Variants in PID1 observed in about 807,000 individuals in gnomAD.
PID1 encodes PTB-containing, cubilin and LRP1-interacting protein.
Under a neutral mutation model 19.1 loss-of-function variants are expected in PID1, and 10 were observed. The observed-to-expected ratio is 0.52, with a 90% confidence interval of 0.32 to 0.89. The LOEUF is 0.89. Ranked by LOEUF, PID1 falls within the 40% of genes least tolerant of loss-of-function variation. The probability of loss-of-function intolerance (pLI) is 0.03; values close to 1 mark genes in which losing one functional copy is unlikely to be tolerated. For missense variants in PID1, 248 were observed against 285.3 expected (o/e 0.87, Z 0.94); for synonymous variants, 130 against 116.0 (o/e 1.12, Z -0.78).
chr2:229,122,426 C>T (rs1489660669), intron 2 of PID1, among the ~76,000 whole-genome samples: 3 of 152,064 alleles, frequency 2.0e-5, no homozygotes, highest in East Asian at 1.9e-4. Context: ...AATGATTTGC[C>T]CCTGGAATCC....
chr2:229,205,824 G>A (rs189518892), intron 1 of PID1, among the ~76,000 whole-genome samples: 8 of 152,154 alleles, frequency 5.3e-5, no homozygotes, highest in East Asian at 1.9e-4. Flanking sequence ...TTCACCATGC[G>A]ACAGGCCCAC....
At chr2:229,249,498 C>T (rs542450622) in intron 1 of PID1, among the ~76,000 whole-genome samples, 1 of 152,272 alleles carries the variant, frequency 6.6e-6, no homozygotes, top group South Asian at 2.1e-4. Flanking sequence ...TATGGTGTTG[C>T]CGGCCTTGTA....
chr2:229,167,651 T>C (rs761831375), intron 1 of PID1, among the ~76,000 whole-genome samples: 2 of 152,124 alleles, frequency 1.3e-5, no homozygotes, highest in Non-Finnish European at 2.9e-5. Flanking sequence ...ATATACCTCA[T>C]AAAAAAGCAT....
intron 1 of PID1, among the ~76,000 whole-genome samples, chr2:229,159,262 G>C (rs1690446168): frequency 6.6e-6 from 1 of 152,158 alleles, no homozygotes; most frequent in African/African-American, 2.4e-5. Flanking sequence ...AGTCCACTAG[G>C]ACTCCATCTG....
chr2:229,043,582 G>T (rs1313095835), intron 2 of PID1, among the ~76,000 whole-genome samples: 1 of 152,128 alleles, frequency 6.6e-6, no homozygotes, highest in Non-Finnish European at 1.5e-5. Context: ...TACTTGCACT[G>T]GTGCAAAAGT....
chr2:229,125,263 G>C (rs929419355), intron 2 of PID1, among the ~76,000 whole-genome samples: 3 of 152,142 alleles, frequency 2.0e-5, no homozygotes, highest in Non-Finnish European at 4.4e-5. Context: ...TTGGGTCTCA[G>C]AGTAGAAATG....
intron 2 of PID1, among the ~76,000 whole-genome samples, chr2:229,043,955 G>C (rs1166126862): frequency 6.6e-6 from 1 of 152,182 alleles, no homozygotes; most frequent in Non-Finnish European, 1.5e-5. Context: ...TCCTTTAAAA[G>C]ATGATTATCT....
intron 2 of PID1, among the ~76,000 whole-genome samples, chr2:229,089,960 T>A (rs923286491): frequency 5.9e-5 from 9 of 152,190 alleles, no homozygotes; most frequent in Non-Finnish European, 1.3e-4. Flanking sequence ...TGTGGTTTTC[T>A]AAGTAAGTAA....
chr2:229,268,618 A>C (rs751860877), intron 1 of PID1, among the ~76,000 whole-genome samples: 5 of 152,192 alleles, frequency 3.3e-5, no homozygotes, highest in Non-Finnish European at 7.3e-5. Context: ...AATGAGAAAA[A>C]AATTAATGAG....
intron 1 of PID1, among the ~76,000 whole-genome samples, chr2:229,210,539 AAAAAAAAAAAAAAAAC>A (rs1342598101): frequency 6.8e-6 from 1 of 147,302 alleles, no homozygotes; most frequent in Non-Finnish European, 1.5e-5. Flanking sequence ...AAAAAAAAAA[AAAAAAAAAAAAAAAAC>A]AACCTAGAAG....
chr2:229,069,174 TGTGTGA>T lies in PID1; in HGVS notation c.178-43072_178-43067del, dbSNP rs144101895. 3.3e-4 allele frequency among the ~76,000 whole-genome samples: 50 copies of T among 151,306 alleles called. 1 individual carries two copies. Among genetic ancestry groups the T allele is most frequent in the South Asian group, 6.3e-4 (3 of 4,752 alleles). On this transcript the variant is annotated intron_variant, in intron 2 of 2. Transcript: ENST00000392055. ...GTGTGTGTGTGTGTGTGTGTGTGTG[TGTGTGA>T]GATGAGGGAGCAAGTAGGGTCAGGT...
chr2:229,235,120 C>T (rs1054820572), intron 1 of PID1, among the ~76,000 whole-genome samples: 2 of 152,192 alleles, frequency 1.3e-5, no homozygotes, highest in Non-Finnish European at 2.9e-5. Flanking sequence ...TGCTCCTCTT[C>T]ACCACTCAGT....
intron 1 of PID1, among the ~76,000 whole-genome samples, chr2:229,222,959 C>T (rs1386239721): frequency 6.6e-6 from 1 of 151,730 alleles, no homozygotes; most frequent in Non-Finnish European, 1.5e-5. Flanking sequence ...CATAATTTAC[C>T]AAATCACTTC....
At chr2:229,253,565 G>T (rs1198853426) in intron 1 of PID1, among the ~76,000 whole-genome samples, 1 of 147,558 alleles carries the variant, frequency 6.8e-6, no homozygotes, top group Non-Finnish European at 1.5e-5. Context: ...ATAAAGTAAG[G>T]GTATGTGCTT....
chr2:229,078,949 T>C (rs1209818886), intron 2 of PID1, among the ~76,000 whole-genome samples: 1 of 152,216 alleles, frequency 6.6e-6, no homozygotes, highest in East Asian at 1.9e-4. Context: ...CTGAAGTAAG[T>C]GTAGGTTAGA....
chr2:229,189,147 A>C (rs370798377), intron 1 of PID1, among the ~76,000 whole-genome samples: 9 of 152,322 alleles, frequency 5.9e-5, no homozygotes, highest in Non-Finnish European at 8.8e-5. Context: ...GGTTGTATAG[A>C]TTGTTCTTGC....
At chr2:229,102,925 T>C (rs567345977) in intron 2 of PID1, among the ~76,000 whole-genome samples, 3 of 152,216 alleles carry the variant, frequency 2.0e-5, no homozygotes, top group Admixed American at 6.5e-5. Flanking sequence ...TCCCTCCCAA[T>C]CTTAGCAGCA....
At chr2:229,163,512 T>TTA (rs1690530484) in intron 1 of PID1, among the ~76,000 whole-genome samples, 1 of 151,760 alleles carries the variant, frequency 6.6e-6, no homozygotes, top group Non-Finnish European at 1.5e-5. Context: ...TTTTTTTTTT[T>TTA]ACCTTCCCAG....
At chr2:229,095,237 T>C (rs1694951479) in intron 2 of PID1, among the ~76,000 whole-genome samples, 1 of 152,172 alleles carries the variant, frequency 6.6e-6, no homozygotes. Flanking sequence ...ACACCTCTAA[T>C]TTAGGTTTTT....
Sources: allele counts gnomAD v4.1 joint callset (sites outside exome capture counted in the v4.1 genomes callset), GRCh38; gene constraint gnomAD v4.1.1; transcripts MANE v1.5; gene names NCBI Gene and HGNC (gene_info 2026-07-23, HGNC 2026-07-21).